The following PRKAB1 variants were observed in gnomAD, a reference collection of about 807,000 sequenced individuals.
The protein encoded by PRKAB1 is 5'-AMP-activated protein kinase subunit beta-1.
In PRKAB1, 18 loss-of-function variants were observed where a neutral mutation model predicts 32.0. That is an observed-to-expected ratio of 0.56 (90% CI 0.39 to 0.83). The LOEUF (loss-of-function observed/expected upper bound fraction) is 0.83. Among genes scored for constraint, PRKAB1 ranks in the 40% least tolerant of loss-of-function variants. The pLI is 0.00. For missense variants in PRKAB1, 263 were observed against 352.6 expected (o/e 0.75, Z 2.03); for synonymous variants, 141 against 141.4 (o/e 1.00, Z 0.02).
rs61756440 is a variant in PRKAB1 at position 119,668,309 on chromosome 12, G to T, written c.65G>T (p.Arg22Met). The T allele has an allele frequency of 1.2e-6, 2 of 1,612,734 alleles. No homozygotes were observed. Among genetic ancestry groups the T allele is most frequent in the Non-Finnish European group, 1.7e-6 (2 of 1,179,540 alleles). Residue 22 changes from arginine to methionine, a missense_variant, in exon 1 of 7, where the codon AGG becomes ATG. Coordinates refer to ENST00000229328, the MANE Select transcript of PRKAB1 (RefSeq NM_006253.5). ...CATGGTGGCCATAAGACGCCCCGGA[G>T]GGACAGCTCGGGGGGCACCAAGGAC... ...ERHGGHKTPR[R>M]DSSGGTKDGD...
At position 119,680,012 on chromosome 12, in the gene PRKAB1, G is replaced by A. The variant is rs762578692; in HGVS notation, c.735+11G>A. ...GCGCTGTCTATCAAGGTAATGACAT[G>A]TCTGTCCCCATGAGAGCTGTGTTGC... On this transcript the variant is annotated intron_variant, in intron 6 of 6. Coordinates refer to ENST00000229328, the MANE Select transcript of PRKAB1 (RefSeq NM_006253.5). 3.7e-6 allele frequency: 6 copies of A among 1,610,358 alleles called. No homozygotes were observed. The East Asian group carries it at 1.3e-4, about 36-fold the overall frequency.
At chr12:119,669,574 A>C (rs1395907515) in intron 1 of PRKAB1, 3 of 130,738 alleles carry the variant, frequency 2.3e-5, no homozygotes, top group Admixed American at 7.8e-5. Context: ...CACCCTACTT[A>C]TTTTTTTTTT....
chr12:119,674,301 C>T lies in PRKAB1; in HGVS notation c.418-39C>T, dbSNP rs758348038. The T allele has an allele frequency of 6.0e-6, 9 of 1,494,666 alleles. No homozygotes were observed. Among genetic ancestry groups the T allele is most frequent in the Non-Finnish European group, 8.4e-6 (9 of 1,074,166 alleles). The allele number at this position is 1,494,666 out of a possible 1,614,324, so 92.6% of individuals were successfully genotyped here. A position where few individuals can be genotyped will look rare whatever the true frequency, so the allele number is the denominator to read the frequency against. ...TCCTCTGAAGAATAACTCCGCAGACCTTCCACGTTATGATTTCTGCCTATC... is the reference window on the plus strand; with the variant it reads ...TCCTCTGAAGAATAACTCCGCAGACTTTCCACGTTATGATTTCTGCCTATC... On this transcript the variant is annotated intron_variant, in intron 3 of 6. Coordinates refer to ENST00000229328, the MANE Select transcript of PRKAB1 (RefSeq NM_006253.5). This position sits in a 1 kb window ranked among gnomAD's most constrained non-coding sequence, Gnocchi z 4.3.
intron 5 of PRKAB1, 55 bp downstream of exon 5, chr12:119,676,725 T>G: frequency 1.3e-6 from 2 of 1,581,672 alleles, no homozygotes; most frequent in Non-Finnish European, 1.7e-6. Context: ...TTCAGTTGCT[T>G]TCTTTCCTGT....
chr12:119,674,188 G>C lies in PRKAB1; in HGVS notation c.417+131G>C, dbSNP rs920394993. 2 of 1,023,868 alleles carry C rather than the reference G, an allele frequency of 2.0e-6. No homozygotes were observed. Among genetic ancestry groups the C allele is most frequent in the Non-Finnish European group, 2.9e-6 (2 of 680,280 alleles). The allele number at this position is 1,023,868 out of a possible 1,614,324, so 63.4% of individuals were successfully genotyped here. On this transcript the variant is annotated intron_variant, in intron 3 of 6. Transcript: ENST00000229328. The surrounding 1 kb of genome is among the most constrained non-coding windows in gnomAD (Gnocchi z 4.3). ...CCGTGTGTGGCAGAGCTGAGTAGCA[G>C]CACTACCTGTCAGACAGTTGGCATA...
intron 5 of PRKAB1, chr12:119,678,391 C>T (rs1955442361): frequency 6.6e-6 from 1 of 152,346 alleles, no homozygotes; most frequent in Admixed American, 6.5e-5. Flanking sequence ...GTAGGGAGAA[C>T]ACTTAAAATC....
rs1255650107 is a variant in PRKAB1 at position 119,679,161 on chromosome 12, CTT to C, written c.667-771_667-770del. The C allele has an allele frequency of 2.6e-5, 4 of 152,220 alleles. No individual in the cohort carries two copies. Among genetic ancestry groups the C allele is most frequent in the Non-Finnish European group, 4.4e-5 (3 of 68,036 alleles). The allele number at this position is 152,220 out of a possible 1,614,324, so 9.4% of individuals were successfully genotyped here. ...ATTGATTAATTTTTTAAAAACCCCT[CTT>C]AGGCTCACACAGCAACTGGCTGAGC... On this transcript the variant is annotated intron_variant, in intron 5 of 6. Coordinates refer to ENST00000229328, the MANE Select transcript of PRKAB1 (RefSeq NM_006253.5). The surrounding 1 kb of genome is among the most constrained non-coding windows in gnomAD (Gnocchi z 4.1).
At position 119,679,683 on chromosome 12, in the gene PRKAB1, C is replaced by G; in HGVS notation, c.667-250C>G. 1 of 502,016 alleles carries G rather than the reference C, an allele frequency of 2.0e-6. No individual in the cohort carries two copies. The highest frequency in any genetic ancestry group is 2.0e-5 in the South Asian group (1 of 49,582). 31.1% of individuals were successfully genotyped at this position (502,016 alleles called of 1,614,324 possible). A position where few individuals can be genotyped will look rare whatever the true frequency, so the allele number is the denominator to read the frequency against. On this transcript the variant is annotated intron_variant, in intron 5 of 6. Coordinates refer to ENST00000229328, the MANE Select transcript of PRKAB1 (RefSeq NM_006253.5). The surrounding 1 kb of genome is among the most constrained non-coding windows in gnomAD (Gnocchi z 4.1). ...GGCCGTGGCCCACACTTGAAAGAGGCCGGGGTAAATGCCTGGCCAGAGACA... is the reference window on the plus strand; with the variant it reads ...GGCCGTGGCCCACACTTGAAAGAGGGCGGGGTAAATGCCTGGCCAGAGACA...
intron 1 of PRKAB1, among the ~76,000 whole-genome samples, chr12:119,672,012 GCTT>G (rs1382207093): frequency 6.6e-6 from 1 of 152,156 alleles, no homozygotes; most frequent in African/African-American, 2.4e-5. Context: ...GTGTTTCATA[GCTT>G]CTTCTAGAAT....
chr12:119,672,127 C>A, intron 1 of PRKAB1, 174 bp from the exon 2 acceptor site: 1 of 605,744 alleles, frequency 1.7e-6, no homozygotes, highest in Non-Finnish European at 2.8e-6. Flanking sequence ...GTCTTCACAA[C>A]CTTAAAAAAT....
intron 1 of PRKAB1, among the ~76,000 whole-genome samples, chr12:119,671,130 C>T (rs1001874302): frequency 2.6e-5 from 4 of 152,188 alleles, no homozygotes; most frequent in African/African-American, 9.6e-5. Context: ...AGGGTTCAGT[C>T]TTTGTCTTGC....
chr12:119,676,718 A>C (rs374260483), intron 5 of PRKAB1, 48 bp downstream of exon 5: 40 of 1,590,398 alleles, frequency 2.5e-5, no homozygotes, highest in Middle Eastern at 1.7e-4. Context: ...GGTCATGTTC[A>C]GTTGCTTTCT....
chr12:119,670,377 CCTT>C (rs1379906109), intron 1 of PRKAB1, among the ~76,000 whole-genome samples: 2 of 152,186 alleles, frequency 1.3e-5, no homozygotes, highest in African/African-American at 2.4e-5. Context: ...ACATCTCACA[CCTT>C]CTTTTGGATC....
At chr12:119,673,912 C>A in intron 2 of PRKAB1, 52 bp from the exon 3 acceptor site, 1 of 1,500,964 alleles carries the variant, frequency 6.7e-7, no homozygotes, top group Non-Finnish European at 9.1e-7. Context: ...GGCAAGTAAG[C>A]TCGGGGGGCA....
Position 119,680,167 on chromosome 12 carries a change from T to C in PRKAB1, c.736-81T>C. ...GCTGGCCCGGGAATTTGTGGTTTTATGAAGCCCTTAATGATTCTCATGTCC... is the reference window on the plus strand; with the variant it reads ...GCTGGCCCGGGAATTTGTGGTTTTACGAAGCCCTTAATGATTCTCATGTCC... On this transcript the variant is annotated intron_variant, in intron 6 of 6. Transcript: ENST00000229328. 3 of 1,517,852 alleles carry C rather than the reference T, an allele frequency of 2.0e-6. No individual in the cohort carries two copies. The South Asian group carries it at 3.4e-5, about 17-fold the overall frequency. 94.0% of individuals were successfully genotyped at this position (1,517,852 alleles called of 1,614,324 possible).
In PRKAB1 at chr12:119,668,235, G is replaced by C. The variant is rs191154896; in HGVS notation, c.-10G>C. On this transcript the variant is annotated 5_prime_UTR_variant, in exon 1 of 7. Transcript: ENST00000229328. ...CGTCCGCCTTCCCTGTGTCCCCGCA[G>C]ACCCCCATCATGGGCAATACCAGCA... 1.3e-6 allele frequency: 2 copies of C among 1,571,410 alleles called. No individual in the cohort carries two copies. Among genetic ancestry groups the C allele is most frequent in the Admixed American group, 2.0e-5 (1 of 49,022 alleles).
At position 119,668,221 on chromosome 12, in the gene PRKAB1, C is replaced by T. The variant is rs771116896; in HGVS notation, c.-24C>T. On this transcript the variant is annotated 5_prime_UTR_variant, in exon 1 of 7. Transcript: ENST00000229328. The stretch of plus-strand genomic sequence containing the variant: ...CTGCAGTGAGGCGCCGTCCGCCTTC[C>T]CTGTGTCCCCGCAGACCCCCATCAT... 14 of 1,551,716 alleles carry T rather than the reference C, an allele frequency of 9.0e-6. No individual in the cohort carries two copies. The highest frequency in any genetic ancestry group is 2.2e-5 in the Admixed American group (1 of 45,020).
Position 119,680,384 on chromosome 12 carries a change from T to A in PRKAB1, c.*59T>A. On this transcript the variant is annotated 3_prime_UTR_variant, in exon 7 of 7. Transcript: ENST00000229328. ...CACACCACCAGGCTCCACACGTGCA[T>A]GCTTTCCCCAAGAGGGAATGGACTG... The A allele has an allele frequency of 6.7e-7, 1 of 1,495,018 alleles. No homozygotes were observed. Among genetic ancestry groups the A allele is most frequent in the Non-Finnish European group, 9.3e-7 (1 of 1,074,838 alleles). 92.6% of individuals were successfully genotyped at this position (1,495,018 alleles called of 1,614,324 possible). A position where few individuals can be genotyped will look rare whatever the true frequency, so the allele number is the denominator to read the frequency against.
chr12:119,676,182 T>A (rs1955422645), intron 4 of PRKAB1, among the ~76,000 whole-genome samples: 1 of 152,324 alleles, frequency 6.6e-6, no homozygotes, highest in African/African-American at 2.4e-5. Flanking sequence ...TCCAGCTTCT[T>A]TGTGGTTTTG....
Sources: gnomAD v4.1 joint callset for allele counts (sites outside exome capture counted in the v4.1 genomes callset) on GRCh38, gnomAD v4.1.1 for gene constraint, Gnocchi (gnomAD v3.1) non-coding constraint, MANE v1.5 for transcripts, NCBI Gene and HGNC (gene_info 2026-07-23, HGNC 2026-07-21) for gene names.